GPC6: variants seen among roughly 807,000 people sequenced by gnomAD.
GPC6 encodes the protein glypican 6, also known as glypican-6.
Under a neutral mutation model 55.2 loss-of-function variants are expected in GPC6, and 14 were observed. That is an observed-to-expected ratio of 0.25 (90% CI 0.17 to 0.40). GPC6 has a LOEUF of 0.40. GPC6 is among the 10% of genes least tolerant of loss of function. The probability of loss-of-function intolerance (pLI) is 1.00; values close to 1 mark genes in which losing one functional copy is unlikely to be tolerated. For synonymous variants in GPC6, 278 were observed against 259.6 expected (o/e 1.07, Z -0.68); for missense variants, 641 against 708.5 (o/e 0.90, Z 1.08).
intron 4 of GPC6, among the ~76,000 whole-genome samples, chr13:94,128,101 A>G (rs912056494): frequency 6.6e-6 from 1 of 152,174 alleles, no homozygotes; most frequent in Non-Finnish European, 1.5e-5. Flanking sequence ...ATTCTCAAAT[A>G]TTAGAATTTA....
chr13:93,937,168 AC>A (rs1475005988), intron 3 of GPC6, among the ~76,000 whole-genome samples: 2 of 152,216 alleles, frequency 1.3e-5, no homozygotes, highest in Non-Finnish European at 2.9e-5. Flanking sequence ...CTTTCCTGTT[AC>A]GAATTACATG....
chr13:93,630,687 A>G (rs1396273677), intron 2 of GPC6, among the ~76,000 whole-genome samples: 3 of 152,162 alleles, frequency 2.0e-5, no homozygotes, highest in Non-Finnish European at 2.9e-5. Flanking sequence ...GTCATGGATA[A>G]TCTATAGCAG....
chr13:93,885,072 A>G (rs775368161), intron 3 of GPC6, among the ~76,000 whole-genome samples: 3 of 152,062 alleles, frequency 2.0e-5, no homozygotes, highest in Non-Finnish European at 4.4e-5. Flanking sequence ...TGAGAGATTA[A>G]AAAGTCCTTG....
At chr13:93,356,395 G>A (rs532206169) in intron 1 of GPC6, among the ~76,000 whole-genome samples, 3 of 152,254 alleles carry the variant, frequency 2.0e-5, no homozygotes, top group African/African-American at 4.8e-5. Flanking sequence ...GCCCATAATA[G>A]CAAATTATTC....
chr13:93,391,203 G>A (rs1041155242), intron 1 of GPC6, among the ~76,000 whole-genome samples: 1 of 152,036 alleles, frequency 6.6e-6, no homozygotes, highest in African/African-American at 2.4e-5. Flanking sequence ...GAGCCATAGG[G>A]AATATGAAAT....
chr13:93,964,262 A>G (rs139701988), intron 3 of GPC6, among the ~76,000 whole-genome samples: 1 of 152,308 alleles, frequency 6.6e-6, no homozygotes, highest in Non-Finnish European at 1.5e-5. Flanking sequence ...CTCCTATGAC[A>G]ATTCAGTCAT....
intron 2 of GPC6, among the ~76,000 whole-genome samples, chr13:93,567,907 G>T (rs1206431864): frequency 2.0e-5 from 3 of 152,120 alleles, no homozygotes; most frequent in Non-Finnish European, 4.4e-5. Flanking sequence ...TAGACTCATT[G>T]TTCCTTTGGC....
At chr13:94,260,224 A>G (rs1246799631) in intron 4 of GPC6, among the ~76,000 whole-genome samples, 1 of 152,194 alleles carries the variant, frequency 6.6e-6, no homozygotes, top group Non-Finnish European at 1.5e-5. Context: ...TAGAACACAG[A>G]GGCAGAGCTC....
At chr13:94,002,480 A>G (rs1398935888) in intron 3 of GPC6, among the ~76,000 whole-genome samples, 1 of 152,200 alleles carries the variant, frequency 6.6e-6, no homozygotes, top group Non-Finnish European at 1.5e-5. Flanking sequence ...ATTGACCTAG[A>G]TTTATCTTAA....
intron 1 of GPC6, among the ~76,000 whole-genome samples, chr13:93,427,856 G>A (rs1877206266): frequency 6.6e-6 from 1 of 152,160 alleles, no homozygotes; most frequent in African/African-American, 2.4e-5. Context: ...CATTCCACAT[G>A]TATACAGATA....
At chr13:93,225,979 G>A (rs931342170), upstream of GPC6, among the ~76,000 whole-genome samples, 1 of 152,186 alleles carries the variant, frequency 6.6e-6, no homozygotes, top group African/African-American at 2.4e-5. Flanking sequence ...GCTGACTTTA[G>A]TGCGTCCATT....
chr13:93,541,733 A>T (rs1180216198), intron 1 of GPC6, among the ~76,000 whole-genome samples: 1 of 147,496 alleles, frequency 6.8e-6, no homozygotes, highest in African/African-American at 2.5e-5. Flanking sequence ...CTGCTGTGAG[A>T]TGGTATCTCA....
chr13:93,311,331 G>A (rs1223556002), intron 1 of GPC6, among the ~76,000 whole-genome samples: 1 of 152,142 alleles, frequency 6.6e-6, no homozygotes, highest in Admixed American at 6.5e-5. Flanking sequence ...CCTTTCATGT[G>A]ATGACCCTTG....
intron 6 of GPC6, 46 bp downstream of exon 6, chr13:94,306,169 C>T (rs1401152925): frequency 6.2e-7 from 1 of 1,607,438 alleles, no homozygotes; most frequent in Non-Finnish European, 8.5e-7. Flanking sequence ...TTTGTTTTAC[C>T]AAGGTCATTC....
chr13:94,327,016 A>G (rs1239672738), intron 6 of GPC6, among the ~76,000 whole-genome samples: 5 of 152,188 alleles, frequency 3.3e-5, no homozygotes, highest in Admixed American at 6.5e-5. Flanking sequence ...TTTTACAGCT[A>G]AATATTTTGG....
At chr13:93,806,667 A>T (rs1886551472) in intron 2 of GPC6, among the ~76,000 whole-genome samples, 1 of 152,140 alleles carries the variant, frequency 6.6e-6, no homozygotes, top group South Asian at 2.1e-4. Flanking sequence ...GATTGAGGTA[A>T]ATATTAATCT....
At chr13:94,270,711 C>T (rs893352622) in intron 4 of GPC6, among the ~76,000 whole-genome samples, 6 of 152,164 alleles carry the variant, frequency 3.9e-5, no homozygotes, top group Non-Finnish European at 4.4e-5. Context: ...TTACTTTTCA[C>T]TTTGTCGCTA....
chr13:93,933,458 C>T (rs933494485), intron 3 of GPC6, among the ~76,000 whole-genome samples: 4 of 152,154 alleles, frequency 2.6e-5, no homozygotes, highest in Admixed American at 1.3e-4. Flanking sequence ...CCAGGCTCTA[C>T]TACTCATTAA....
At chr13:93,345,835 T>C (rs1028867361) in intron 1 of GPC6, among the ~76,000 whole-genome samples, 26 of 152,226 alleles carry the variant, frequency 1.7e-4, no homozygotes, top group African/African-American at 5.8e-4. Flanking sequence ...GTACAAGATA[T>C]CTTAAAGAAT....
Sources: allele counts gnomAD v4.1 joint callset (sites outside exome capture counted in the v4.1 genomes callset), GRCh38; gene constraint gnomAD v4.1.1; transcripts MANE v1.5; gene names NCBI Gene and HGNC (gene_info 2026-07-23, HGNC 2026-07-21).